Variants in PPP3CC observed in about 807,000 individuals in gnomAD.
PPP3CC encodes the protein serine/threonine-protein phosphatase 2B catalytic subunit gamma isoform.
Under a neutral mutation model 60.3 loss-of-function variants are expected in PPP3CC, and 35 were observed. That is an observed-to-expected ratio of 0.58 (90% CI 0.44 to 0.77). The LOEUF (loss-of-function observed/expected upper bound fraction) is 0.77, where lower values mean the gene tolerates loss of function less well. Among genes scored for constraint, PPP3CC ranks in the 30% least tolerant of loss-of-function variants. The probability of loss-of-function intolerance (pLI) is 0.00; values close to 1 mark genes in which losing one functional copy is unlikely to be tolerated. For missense variants in PPP3CC, 570 were observed against 628.9 expected, an observed-to-expected ratio of 0.91 and a Z score of 1.00; for synonymous variants, 206 against 224.3, an observed-to-expected ratio of 0.92 and a Z score of 0.73.
intron 12 of PPP3CC, among the ~76,000 whole-genome samples, chr8:22,536,329 G>A (rs1839844298): frequency 1.3e-5 from 2 of 152,184 alleles, no homozygotes; most frequent in Non-Finnish European, 1.5e-5. Context: ...GTAATAGGCA[G>A]TAACATGAGT....
Position 22,527,451 on chromosome 8 carries a change from C to T in PPP3CC, c.1003C>T (p.His335Tyr), listed in dbSNP as rs926267034. The change falls in exon 9 of 14, where the codon CAC (histidine) becomes TAC (tyrosine). Residue 335 changes from histidine to tyrosine, a missense_variant. Coordinates refer to ENST00000240139, the MANE Select transcript of PPP3CC (RefSeq NM_005605.5). ...TATCAGGCAGTTTAACTGTTCTCCA[C>T]ACCCCTACTGGCTTCCAAACTTTAT... Reference protein sequence around the residue: ...MNIRQFNCSPHPYWLPNFMDV... With the variant: ...MNIRQFNCSPYPYWLPNFMDV... 2 of 1,613,460 alleles carry T rather than the reference C, an allele frequency of 1.2e-6. No individual in the cohort carries two copies. Among genetic ancestry groups the T allele is most frequent in the African/African-American group, 2.7e-5 (2 of 74,912 alleles).
At position 22,511,223 on chromosome 8, in the gene PPP3CC, A is replaced by G. The variant is rs758661293; in HGVS notation, c.622A>G (p.Ile208Val). The G allele has an allele frequency of 5.0e-6, 8 of 1,611,026 alleles. No individual in the cohort carries two copies. Among genetic ancestry groups the G allele is most frequent in the South Asian group, 1.1e-5 (1 of 90,790 alleles). The change falls in exon 5 of 14, where the codon ATT (isoleucine) becomes GTT (valine). Residue 208 changes from isoleucine (I) to valine (V), a missense_variant. Ile to Val is a conservative substitution (Grantham distance 29, BLOSUM62 3). Coordinates refer to ENST00000240139, the MANE Select transcript of PPP3CC (RefSeq NM_005605.5). Reference protein sequence around the residue: ...MSPEITSLDDIRKLDRFTEPP... With the variant: ...MSPEITSLDDVRKLDRFTEPP... Reference sequence around the variant, plus strand: ...ACCTGAAATTACTTCTTTAGATGACATTAGGAAAGTAAGTAATCTTTTATT... The same window carrying G: ...ACCTGAAATTACTTCTTTAGATGACGTTAGGAAAGTAAGTAATCTTTTATT...
At chr8:22,454,363 C>T (rs1161222853) in intron 1 of PPP3CC, among the ~76,000 whole-genome samples, 1 of 152,196 alleles carries the variant, frequency 6.6e-6, no homozygotes, top group Non-Finnish European at 1.5e-5. Flanking sequence ...AGGCATGGAG[C>T]AGTCACCTCC....
At chr8:22,474,109 G>A (rs996085005) in intron 1 of PPP3CC, among the ~76,000 whole-genome samples, 4 of 151,646 alleles carry the variant, frequency 2.6e-5, no homozygotes, top group Non-Finnish European at 5.9e-5. Context: ...TGCCCAGGCT[G>A]GTCTTGAACT....
chr8:22,506,105 G>T (rs907731372), intron 4 of PPP3CC, among the ~76,000 whole-genome samples: 2 of 151,924 alleles, frequency 1.3e-5, no homozygotes, highest in Non-Finnish European at 2.9e-5. Flanking sequence ...GTTCTGGGAG[G>T]GCATCTTTCA....
chr8:22,506,009 G>T (rs1471453517), intron 4 of PPP3CC, among the ~76,000 whole-genome samples: 2 of 151,784 alleles, frequency 1.3e-5, no homozygotes, highest in African/African-American at 2.4e-5. Context: ...TGTCACCCAG[G>T]CACTAAGCCT....
At chr8:22,504,180 G>A (rs965576340) in intron 4 of PPP3CC, among the ~76,000 whole-genome samples, 4 of 151,874 alleles carry the variant, frequency 2.6e-5, no homozygotes, top group African/African-American at 4.8e-5. Flanking sequence ...ATAGTTGTAC[G>A]TATTTTTGAG....
chr8:22,493,688 A>G (rs1838476324), intron 3 of PPP3CC, among the ~76,000 whole-genome samples: 1 of 152,202 alleles, frequency 6.6e-6, no homozygotes, highest in Admixed American at 6.5e-5. Context: ...CTTCAGGGGC[A>G]GTAACAGTCA....
At chr8:22,511,525 C>G (rs1269348079) in intron 5 of PPP3CC, among the ~76,000 whole-genome samples, 1 of 152,150 alleles carries the variant, frequency 6.6e-6, no homozygotes, top group Non-Finnish European at 1.5e-5. Context: ...CCACTTTGGC[C>G]TCCCAAAGTG....
intron 3 of PPP3CC, among the ~76,000 whole-genome samples, chr8:22,487,919 T>C (rs1376242284): frequency 6.6e-6 from 1 of 152,190 alleles, no homozygotes; most frequent in Non-Finnish European, 1.5e-5. Flanking sequence ...AATTGAGTGG[T>C]TGAACAGATC....
rs762458904 is a variant in PPP3CC at position 22,492,700 on chromosome 8, AAAG to A, written c.373-5294_373-5292del. On this transcript the variant is annotated intron_variant, in intron 3 of 13. Coordinates refer to ENST00000240139, the MANE Select transcript of PPP3CC (RefSeq NM_005605.5). Reference sequence around the variant, plus strand: ...TTGGTGGGAAAGAAATGGTTCACAGAAAGAAGAAGGCGGTTCATAGAACAGCCA... The same window carrying A: ...TTGGTGGGAAAGAAATGGTTCACAGAAAGAAGGCGGTTCATAGAACAGCCA... 17 of 924,072 alleles carry A rather than the reference AAAG, an allele frequency of 1.8e-5. 1 individual carries two copies. Among genetic ancestry groups the A allele is most frequent in the Middle Eastern group, 6.9e-4 (2 of 2,886 alleles). The allele number at this position is 924,072 out of a possible 1,614,324, so 57.2% of individuals were successfully genotyped here.
chr8:22,494,131 G>T (rs1448518219), intron 3 of PPP3CC, among the ~76,000 whole-genome samples: 1 of 152,116 alleles, frequency 6.6e-6, no homozygotes, highest in Non-Finnish European at 1.5e-5. Context: ...TCTCAACATA[G>T]GCCTCTGTAT....
Position 22,503,513 on chromosome 8 carries a change from T to G in PPP3CC, c.484+5401T>G, listed in dbSNP as rs566068437. ...GTGACATTTTTCTTAATTATTCTTT[T>G]GTCTTATCAGATTTTTTTTATTTTT... On this transcript the variant is annotated intron_variant, in intron 4 of 13. Coordinates refer to ENST00000240139, the MANE Select transcript of PPP3CC (RefSeq NM_005605.5). 2.0e-5 allele frequency among the ~76,000 whole-genome samples: 3 copies of G among 152,282 alleles called. No homozygotes were observed. In the South Asian group the frequency reaches 6.2e-4, roughly 32 times the overall value.
At chr8:22,451,933 T>A (rs1837041722) in intron 1 of PPP3CC, among the ~76,000 whole-genome samples, 1 of 152,108 alleles carries the variant, frequency 6.6e-6, no homozygotes, top group South Asian at 2.1e-4. Context: ...ATGCTTCTGG[T>A]CCTAAGCACT....
intron 3 of PPP3CC, among the ~76,000 whole-genome samples, chr8:22,482,243 G>T (rs955765866): frequency 2.6e-5 from 4 of 152,110 alleles, no homozygotes; most frequent in African/African-American, 9.7e-5. Flanking sequence ...GCATGAGAGG[G>T]TATCTCATTG....
At position 22,540,825 on chromosome 8, in the gene PPP3CC, G is replaced by A. The variant is rs140387743; in HGVS notation, c.*23G>A. 6.5e-7 allele frequency: 1 copy of A among 1,548,774 alleles called. No homozygotes were observed. The highest frequency in any genetic ancestry group is 2.3e-5 in the East Asian group (1 of 43,262). On this transcript the variant is annotated 3_prime_UTR_variant, in exon 14 of 14. Coordinates refer to ENST00000240139, the MANE Select transcript of PPP3CC (RefSeq NM_005605.5). The stretch of plus-strand genomic sequence containing the variant: ...TGACTTAGAGTCCTGCCGTGGCTCA[G>A]GTGGATCTAAAACTCAAGAACAAAT...
In PPP3CC at chr8:22,527,536, A is replaced by C; in HGVS notation, c.1069+19A>C. On this transcript the variant is annotated intron_variant, in intron 9 of 13. Coordinates refer to ENST00000240139, the MANE Select transcript of PPP3CC (RefSeq NM_005605.5). The stretch of plus-strand genomic sequence containing the variant: ...GAAAAAGGTAAGAGAACTAAAGCAC[A>C]TGTCTCATCAGTTGTTTGGTGACTG... 1 of 1,611,972 alleles carries C rather than the reference A, an allele frequency of 6.2e-7. No homozygotes were observed. Among genetic ancestry groups the C allele is most frequent in the Non-Finnish European group, 8.5e-7 (1 of 1,179,046 alleles).
At chr8:22,472,568 G>A (rs1024363334) in intron 1 of PPP3CC, among the ~76,000 whole-genome samples, 19 of 152,244 alleles carry the variant, frequency 1.2e-4, no homozygotes, top group Admixed American at 2.0e-4. Context: ...GGACCTGCCT[G>A]AGGCTCTTGA....
intron 4 of PPP3CC, among the ~76,000 whole-genome samples, chr8:22,508,542 C>G (rs1223365122): frequency 6.6e-6 from 1 of 152,144 alleles, no homozygotes; most frequent in Non-Finnish European, 1.5e-5. Flanking sequence ...CAATACACTT[C>G]CTTACTTGTC....
Sources: allele counts gnomAD v4.1 joint callset (sites outside exome capture counted in the v4.1 genomes callset), GRCh38; gene constraint gnomAD v4.1.1; transcripts MANE v1.5; gene names NCBI Gene and HGNC (gene_info 2026-07-23, HGNC 2026-07-21).